The following CCDC167 variants were observed in gnomAD, a reference collection of about 807,000 sequenced individuals.
The protein encoded by CCDC167 is coiled-coil domain-containing protein 167.
In CCDC167, 15 loss-of-function variants were observed where a neutral mutation model predicts 12.7. That is an observed-to-expected ratio of 1.18 (90% CI 0.79 to 1.81). The LOEUF is 1.81. CCDC167 is among the 40% of genes most tolerant of loss of function. CCDC167 has a pLI of 0.00. For synonymous variants in CCDC167, 52 were observed against 49.0 expected (o/e 1.06, Z -0.26); for missense variants, 121 against 120.1 (o/e 1.01, Z -0.03).
intron 1 of CCDC167, among the ~76,000 whole-genome samples, chr6:37,488,768 A>G (rs1052592241): frequency 1.3e-5 from 2 of 152,240 alleles, no homozygotes; most frequent in South Asian, 2.1e-4. Context: ...TCATATTTCA[A>G]AGAGTTTTGT....
chr6:37,483,244 A>G lies in CCDC167; in HGVS notation c.236T>C (p.Leu79Pro). 3 of 1,614,186 alleles carry G rather than the reference A, an allele frequency of 1.9e-6. No homozygotes were observed. Among genetic ancestry groups the G allele is most frequent in the Non-Finnish European group, 2.5e-6 (3 of 1,180,002 alleles). Residue 79 changes from leucine (L) to proline (P), a missense_variant, in exon 4 of 4, where the codon CTG (leucine) becomes CCG (proline). By Grantham distance (98) the Leu-to-Pro change is moderately conservative. Transcript: ENST00000373408. The stretch of plus-strand genomic sequence containing the variant: ...GAGGATAAAGATGGCCACAGAGAGC[A>G]GCATGTTCTTCCGGTTCTCTTGCCG... ...FLRQENRKNM[L>P]LSVAIFILLT...
At chr6:37,492,560 A>G (rs1448316103) in intron 1 of CCDC167, among the ~76,000 whole-genome samples, 1 of 152,180 alleles carries the variant, frequency 6.6e-6, no homozygotes, top group Non-Finnish European at 1.5e-5. Flanking sequence ...CACAAAACAG[A>G]TCCAGTTTGG....
intron 1 of CCDC167, among the ~76,000 whole-genome samples, chr6:37,498,557 C>G (rs1326265746): frequency 6.6e-6 from 1 of 151,754 alleles, no homozygotes; most frequent in East Asian, 1.9e-4. Context: ...TGTGGTGGCT[C>G]ATGCCTGTAA....
In CCDC167 at chr6:37,483,036, A is replaced by G. The variant is rs189266240; in HGVS notation, c.*150T>C. The G allele has an allele frequency of 4.1e-6, 3 of 725,298 alleles. No homozygotes were observed. In the East Asian group the frequency reaches 8.3e-5, roughly 20 times the overall value. The allele number at this position is 725,298 out of a possible 1,614,324, so 44.9% of individuals were successfully genotyped here. A position where few individuals can be genotyped will look rare whatever the true frequency, so the allele number is the denominator to read the frequency against. ...GAACCCCCCAGCAGGCCAGGGAGGC[A>G]AGGCCTGGGCCGCCAGGAAGCCATG... On this transcript the variant is annotated 3_prime_UTR_variant, in exon 4 of 4. Transcript: ENST00000373408.
chr6:37,499,823 T>G lies in CCDC167; in HGVS notation c.41A>C (p.Glu14Ala). Residue 14 changes from glutamate (E) to alanine (A), a missense_variant and splice_region_variant, in exon 1 of 4, where the codon GAG becomes GCG. Coordinates refer to ENST00000373408, the MANE Select transcript of CCDC167 (RefSeq NM_138493.3). ...KKRENLGVAL[E>A]IDGLEEKLSQ... Reference sequence around the variant, plus strand: ...CCCAACCCCCACTTTTCCCCTCACCTCTAGAGCGACGCCCAGATTCTCCCG... The same window carrying G: ...CCCAACCCCCACTTTTCCCCTCACCGCTAGAGCGACGCCCAGATTCTCCCG... 6.2e-7 allele frequency: 1 copy of G among 1,614,098 alleles called. No homozygotes were observed. Among genetic ancestry groups the G allele is most frequent in the Non-Finnish European group, 8.5e-7 (1 of 1,179,998 alleles).
At chr6:37,483,797 T>A (rs986032075) in intron 3 of CCDC167, among the ~76,000 whole-genome samples, 1 of 152,302 alleles carries the variant, frequency 6.6e-6, no homozygotes, top group African/African-American at 2.4e-5. Context: ...GAGCAGAATC[T>A]AGGGACGCTA....
At chr6:37,498,701 T>A (rs552633853) in intron 1 of CCDC167, among the ~76,000 whole-genome samples, 1 of 152,148 alleles carries the variant, frequency 6.6e-6, no homozygotes, top group African/African-American at 2.4e-5. Context: ...GGCACGTGCC[T>A]GTAATCCCAG....
At chr6:37,489,923 G>A (rs935255853) in intron 1 of CCDC167, among the ~76,000 whole-genome samples, 4 of 152,182 alleles carry the variant, frequency 2.6e-5, no homozygotes, top group Admixed American at 1.3e-4. Flanking sequence ...AGACCTAGAC[G>A]GCACAGTGTG....
At chr6:37,493,241 AGCGCCCGAGCCAGTCC>A (rs1031339516) in intron 1 of CCDC167, among the ~76,000 whole-genome samples, 15 of 152,344 alleles carry the variant, frequency 9.8e-5, no homozygotes, top group Admixed American at 3.3e-4. Context: ...CTTGCAAGTT[AGCGCCCGAGCCAGTCC>A]GCGCCCGAAG....
intron 2 of CCDC167, 25 bp from the exon 3 acceptor site, chr6:37,484,887 G>A (rs764875301): frequency 2.5e-6 from 4 of 1,614,124 alleles, no homozygotes; most frequent in Middle Eastern, 1.7e-4. Flanking sequence ...GAGCTTCATG[G>A]ACCAAACCCT....
chr6:37,485,594 C>T (rs969744257), intron 1 of CCDC167, among the ~76,000 whole-genome samples: 1 of 152,248 alleles, frequency 6.6e-6, no homozygotes, highest in Non-Finnish European at 1.5e-5. Context: ...TGCACCTGCC[C>T]CACGGGCGTA....
intron 1 of CCDC167, among the ~76,000 whole-genome samples, chr6:37,491,896 TAA>T (rs1454178794): frequency 2.6e-5 from 4 of 152,156 alleles, no homozygotes; most frequent in Non-Finnish European, 5.9e-5. Flanking sequence ...ACACAGGCAT[TAA>T]GTCCGGGAGC....
chr6:37,483,209 C>T lies in CCDC167; in HGVS notation c.271G>A (p.Val91Ile), dbSNP rs138745679. Residue 91 changes from valine to isoleucine, a missense_variant, in exon 4 of 4, where the codon GTC (valine) becomes ATC (isoleucine). Physicochemically the swap from Val to Ile is conservative, Grantham distance 29. Coordinates refer to ENST00000373408, the MANE Select transcript of CCDC167 (RefSeq NM_138493.3). ...SVAIFILLTL[V>I]YAYWTM is the part of the protein sequence containing the mutation. ...GCTCACATGGTCCAGTAGGCATAGACGAGCGTCAGGAGGATAAAGATGGCC... is the reference window on the plus strand; with the variant it reads ...GCTCACATGGTCCAGTAGGCATAGATGAGCGTCAGGAGGATAAAGATGGCC... 1.7e-5 allele frequency: 28 copies of T among 1,613,856 alleles called. 1 individual carries two copies. Among genetic ancestry groups the T allele is most frequent in the South Asian group, 1.2e-4 (11 of 91,084 alleles).
intron 1 of CCDC167, among the ~76,000 whole-genome samples, chr6:37,498,135 G>C (rs143992916): frequency 5.3e-5 from 8 of 152,088 alleles, no homozygotes; most frequent in Non-Finnish European, 1.5e-5. Context: ...CGCAAATGTG[G>C]AATCTGTGAA....
intron 1 of CCDC167, among the ~76,000 whole-genome samples, chr6:37,485,762 T>A (rs1180082927): frequency 6.6e-6 from 1 of 152,230 alleles, no homozygotes; most frequent in Non-Finnish European, 1.5e-5. Flanking sequence ...AAATATACAT[T>A]TTTCTGTGAG....
chr6:37,489,432 C>T (rs1371332926), intron 1 of CCDC167, among the ~76,000 whole-genome samples: 2 of 152,158 alleles, frequency 1.3e-5, no homozygotes, highest in African/African-American at 4.8e-5. Context: ...CAGCTCGCTC[C>T]GCTTACTCCA....
intron 1 of CCDC167, among the ~76,000 whole-genome samples, chr6:37,494,805 A>ATTTTT (rs201478338): frequency 1.4e-4 from 16 of 115,216 alleles, no homozygotes; most frequent in South Asian, 2.6e-4. Flanking sequence ...CTACCTACAA[A>ATTTTT]TTTTTTTTTT....
chr6:37,497,388 A>G (rs1344672525), intron 1 of CCDC167, among the ~76,000 whole-genome samples: 1 of 152,102 alleles, frequency 6.6e-6, no homozygotes, highest in Non-Finnish European at 1.5e-5. Context: ...TTAACACTGG[A>G]CTCACAACCA....
chr6:37,497,454 TA>T (rs1762111835), intron 1 of CCDC167, among the ~76,000 whole-genome samples: 1 of 147,356 alleles, frequency 6.8e-6, no homozygotes, highest in Admixed American at 7.0e-5. Context: ...ACAGTTTATC[TA>T]AAAAACCTGT....
Sources: gnomAD v4.1 joint callset for allele counts (sites outside exome capture counted in the v4.1 genomes callset) on GRCh38, gnomAD v4.1.1 for gene constraint, MANE v1.5 for transcripts, NCBI Gene and HGNC (gene_info 2026-07-23, HGNC 2026-07-21) for gene names.